Variants in DDX31 observed in about 807,000 individuals in gnomAD.
DDX31 encodes DEAD-box helicase 31.
A neutral mutation model predicts 91.3 loss-of-function variants in DDX31; 70 were observed. The observed-to-expected ratio is 0.77, with a 90% CI of 0.63 to 0.94. The LOEUF is 0.94. Among genes scored for constraint, DDX31 ranks in the 40% least tolerant of loss-of-function variants. The probability of loss-of-function intolerance (pLI) is 0.00; values close to 1 mark genes in which losing one functional copy is unlikely to be tolerated. For missense variants in DDX31, 902 were observed against 925.0 expected (o/e 0.98, Z 0.32); for synonymous variants, 362 against 350.6 (o/e 1.03, Z -0.36).
chr9:132,618,207 T>C, intron 18 of DDX31, 123 bp downstream of exon 18: 3 of 681,526 alleles, frequency 4.4e-6, no homozygotes, highest in Non-Finnish European at 7.1e-6. Context: ...GATTGAAGGC[T>C]TTGGCTGGTG....
At chr9:132,661,131 CT>C (rs1834907238) in intron 4 of DDX31, 76 bp downstream of exon 4, 2 of 1,321,088 alleles carry the variant, frequency 1.5e-6, no homozygotes, top group Non-Finnish European at 2.2e-6. Context: ...CAAATTTGCT[CT>C]GCCTTGCACA....
At position 132,654,730 on chromosome 9, in the gene DDX31, G is replaced by A. The variant is rs560716390; in HGVS notation, c.589-2238C>T. ...GGAGGCCAAGGCGGGTGGATCACTT[G>A]AGGTCAGAAGTTCAAGTCCAGCTTG... is the stretch of plus-strand genomic sequence containing the variant. On this transcript the variant is annotated intron_variant, in intron 6 of 19. Transcript: ENST00000372159. Among the ~76,000 whole-genome samples, 5 of 152,270 alleles carry A rather than the reference G, an allele frequency of 3.3e-5. No individual in the cohort carries two copies. The East Asian group carries it at 7.7e-4, about 23-fold the overall frequency.
chr9:132,599,860 C>A (rs1480286308), intron 19 of DDX31, among the ~76,000 whole-genome samples: 1 of 152,238 alleles, frequency 6.6e-6, no homozygotes, highest in African/African-American at 2.4e-5. Context: ...GCAAGTCCCC[C>A]ACATGGGAAG....
chr9:132,637,631 G>C (rs1376362596), intron 14 of DDX31, among the ~76,000 whole-genome samples: 1 of 152,238 alleles, frequency 6.6e-6, no homozygotes, highest in Non-Finnish European at 1.5e-5. Context: ...GCCATCAGCA[G>C]GGTCCAGGCC....
intron 14 of DDX31, among the ~76,000 whole-genome samples, chr9:132,640,754 C>T (rs972038166): frequency 2.6e-5 from 4 of 152,170 alleles, no homozygotes; most frequent in African/African-American, 9.7e-5. Context: ...GCGATCCTCC[C>T]ACCTCGGCCT....
intron 15 of DDX31, among the ~76,000 whole-genome samples, chr9:132,631,682 G>A (rs1027692253): frequency 6.6e-5 from 10 of 152,198 alleles, no homozygotes; most frequent in African/African-American, 4.8e-5. Flanking sequence ...ACACGGACAC[G>A]GCTCTCGGAC....
chr9:132,638,720 T>C (rs1452598552), intron 14 of DDX31, among the ~76,000 whole-genome samples: 1 of 152,204 alleles, frequency 6.6e-6, no homozygotes, highest in Non-Finnish European at 1.5e-5. Flanking sequence ...TCCCTGCTTT[T>C]GAGATGTTTA....
chr9:132,658,845 C>T, intron 5 of DDX31, 110 bp from the exon 6 acceptor site: 1 of 987,680 alleles, frequency 1.0e-6, no homozygotes, highest in Non-Finnish European at 1.5e-6. Flanking sequence ...GTACTAAATT[C>T]TAGGGAAAGG....
At chr9:132,614,592 G>C (rs918577424) in intron 18 of DDX31, among the ~76,000 whole-genome samples, 1 of 152,082 alleles carries the variant, frequency 6.6e-6, no homozygotes, top group Non-Finnish European at 1.5e-5. Flanking sequence ...CCCGCTCTAG[G>C]TCTCTTCATT....
chr9:132,648,170 T>A lies in DDX31; in HGVS notation c.967+19A>T, dbSNP rs770212863. 1 of 1,583,470 alleles carries A rather than the reference T, an allele frequency of 6.3e-7. No individual in the cohort carries two copies. Among genetic ancestry groups the A allele is most frequent in the Non-Finnish European group, 8.6e-7 (1 of 1,158,368 alleles). Reference sequence around the variant, plus strand: ...TTCATTAAGAACAAAGAAGGACCCATCACTTCTTTTCAACTCACCTTCTGT... The same window carrying A: ...TTCATTAAGAACAAAGAAGGACCCAACACTTCTTTTCAACTCACCTTCTGT... On this transcript the variant is annotated intron_variant, in intron 11 of 19. Coordinates refer to ENST00000372159, the MANE Select transcript of DDX31 (RefSeq NM_022779.9).
chr9:132,657,246 T>C (rs1475930159), intron 6 of DDX31, among the ~76,000 whole-genome samples: 1 of 152,232 alleles, frequency 6.6e-6, no homozygotes, highest in African/African-American at 2.4e-5. Context: ...TCTGAACCTA[T>C]TCATTTTGAA....
At chr9:132,659,863 C>T (rs1834822446) in intron 4 of DDX31, 83 bp from the exon 5 acceptor site, 1 of 1,344,880 alleles carries the variant, frequency 7.4e-7, no homozygotes, top group Non-Finnish European at 1.0e-6. Context: ...AAGGCAACTG[C>T]CCACACTTGG....
intron 6 of DDX31, among the ~76,000 whole-genome samples, chr9:132,656,622 T>C (rs1414938637): frequency 6.6e-6 from 1 of 152,158 alleles, no homozygotes; most frequent in Admixed American, 6.6e-5. Context: ...TGCCTCAAGT[T>C]ACCCTCAGAC....
At chr9:132,626,154 A>G (rs1162983978) in intron 16 of DDX31, among the ~76,000 whole-genome samples, 3 of 146,452 alleles carry the variant, frequency 2.0e-5, no homozygotes, top group South Asian at 4.3e-4. Context: ...AAAAAAAAAA[A>G]GGAAGAAAAG....
At chr9:132,669,580 A>C in intron 1 of DDX31, 1 of 1,480,364 alleles carries the variant, frequency 6.8e-7, no homozygotes, top group Non-Finnish European at 9.0e-7. Context: ...CTTCCACGGG[A>C]AACAGCCTCT....
chr9:132,609,098 A>C (rs1831182683), intron 19 of DDX31, among the ~76,000 whole-genome samples: 1 of 152,154 alleles, frequency 6.6e-6, no homozygotes, highest in Non-Finnish European at 1.5e-5. Context: ...ATGCCTTCAA[A>C]AGAAGGGCAT....
rs1831777874 is a variant in DDX31, at chr9:132,618,340, C to T, written c.1815G>A (p.Trp605Ter). 1 of 1,608,388 alleles carries T rather than the reference C, an allele frequency of 6.2e-7. No homozygotes were observed. Among genetic ancestry groups the T allele is most frequent in the Non-Finnish European group, 8.5e-7 (1 of 1,177,646 alleles). The change falls in exon 18 of 20, where the codon TGG becomes TGA. Residue 605 changes from tryptophan to a stop codon, truncating the protein, a stop_gained. Transcript: ENST00000372159. LOFTEE classifies it high-confidence loss of function. ...AGGAAATCGACTGACCTTTCTTTGCCCAGGAGACCCTCCTCTCACTGGAGT... is the reference window on the plus strand; with the variant it reads ...AGGAAATCGACTGACCTTTCTTTGCTCAGGAGACCCTCCTCTCACTGGAGT... ...YVHSSERRVS[W>*]AKKALQSFIQ... is the part of the protein sequence containing the mutation.
At chr9:132,632,341 C>T (rs577711168) in intron 14 of DDX31, among the ~76,000 whole-genome samples, 22 of 148,682 alleles carry the variant, frequency 1.5e-4, no homozygotes, top group African/African-American at 5.4e-4. Flanking sequence ...CTACTGCAGT[C>T]CTCTTGTGGT....
chr9:132,647,546 T>C (rs1358716444), intron 11 of DDX31, among the ~76,000 whole-genome samples: 3 of 152,166 alleles, frequency 2.0e-5, no homozygotes, highest in Non-Finnish European at 2.9e-5. Context: ...CATAGGGAAC[T>C]GTGAGGGACC....
Sources: gnomAD v4.1 joint callset for allele counts (sites outside exome capture counted in the v4.1 genomes callset) on GRCh38, gnomAD v4.1.1 for gene constraint, MANE v1.5 for transcripts, NCBI Gene and HGNC (gene_info 2026-07-23, HGNC 2026-07-21) for gene names.